PAH: variants seen among roughly 807,000 people sequenced by gnomAD.
PAH encodes phenylalanine hydroxylase, also known as phenylalanine-4-hydroxylase.
Under a neutral mutation model 62.0 loss-of-function variants are expected in PAH, and 64 were observed. The observed-to-expected ratio is 1.03, with a 90% CI of 0.84 to 1.27. The LOEUF is 1.27. PAH is among the 50% of genes most tolerant of loss of function. The pLI, the probability that PAH is intolerant of heterozygous loss-of-function variation, is 0.00. For synonymous variants in PAH, 195 were observed against 196.2 expected (o/e 0.99, Z 0.05); for missense variants, 579 against 542.8 (o/e 1.07, Z -0.66).
At position 102,885,629 on chromosome 12, in the gene PAH, T is replaced by C. The variant is rs1877007455; in HGVS notation, c.353-8079A>G. ...GTCCCATTAAGTCGGGGTCAACTGC[T>C]CAGCCGGGACGCCAAGGGGTGGCTG... On this transcript the variant is annotated intron_variant, in intron 3 of 12. Coordinates refer to ENST00000553106, the MANE Select transcript of PAH (RefSeq NM_000277.3). Among the ~76,000 whole-genome samples the C allele has an allele frequency of 1.3e-5, 2 of 152,282 alleles. 1 individual carries two copies. Among genetic ancestry groups the C allele is most frequent in the Non-Finnish European group, 2.9e-5 (2 of 68,014 alleles).
chr12:102,866,469 A>G (rs1268441167), intron 5 of PAH, 127 bp downstream of exon 5: 3 of 772,722 alleles, frequency 3.9e-6, no homozygotes, highest in Non-Finnish European at 4.7e-6. Flanking sequence ...GCACATGAAC[A>G]CATGCACACA....
rs544047403 is a variant in PAH, at chr12:102,926,980, A to G, written c.-95-9755T>C. The stretch of plus-strand genomic sequence containing the variant: ...TGTTTGTTTGGGTGGGTGGGTTGCT[A>G]AACATTTACCGCAACCCCACTGACT... On this transcript the variant is annotated intron_variant, in intron 1 of 3. Transcript: ENST00000546844. 9.8e-4 allele frequency among the ~76,000 whole-genome samples: 145 copies of G among 148,162 alleles called. 5 individuals are homozygous for G. Among genetic ancestry groups the G allele is most frequent in the African/African-American group, 3.5e-3 (139 of 39,928 alleles).
intron 6 of PAH, among the ~76,000 whole-genome samples, chr12:102,853,696 A>C (rs150707193): frequency 1.3e-5 from 2 of 152,200 alleles, no homozygotes; most frequent in South Asian, 4.1e-4. Context: ...CACCATCTCT[A>C]TGGTTCCTGT....
intron 5 of PAH, among the ~76,000 whole-genome samples, chr12:102,865,797 T>C (rs1040850415): frequency 6.6e-6 from 1 of 152,182 alleles, no homozygotes; most frequent in East Asian, 1.9e-4. Context: ...GTATTCAGTA[T>C]AGAAAGGCCC....
intron 4 of PAH, among the ~76,000 whole-genome samples, chr12:102,872,102 C>T (rs1236339494): frequency 6.6e-6 from 1 of 151,716 alleles, no homozygotes; most frequent in Admixed American, 6.6e-5. Flanking sequence ...TATAAAGTTA[C>T]AATCACTTCA....
rs1156665987 is a variant in PAH, at chr12:102,859,468, A to T, written c.510-4136T>A. Among the ~76,000 whole-genome samples the T allele has an allele frequency of 3.3e-5, 5 of 152,228 alleles. No individual in the cohort carries two copies. The East Asian group carries it at 5.8e-4, about 18-fold the overall frequency. ...AAAAAGAGGGAATCCTCCCTAACTC[A>T]TTTTATGAGGCCAGCATCATCCTGA... On this transcript the variant is annotated intron_variant, in intron 5 of 12. Transcript: ENST00000553106.
At position 102,898,916 on chromosome 12, in the gene PAH, C is replaced by T. The variant is rs77157045; in HGVS notation, c.169-3998G>A. On this transcript the variant is annotated intron_variant, in intron 2 of 12. Transcript: ENST00000553106. ...TAATAAGTAACCTCAAACAGGCTCA[C>T]GGTGCAGCCATTATTTATGGCTCCA... 8.1e-3 allele frequency among the ~76,000 whole-genome samples: 1,234 copies of T among 152,276 alleles called. 22 individuals are homozygous for T. The highest frequency in any genetic ancestry group is 0.028 in the African/African-American group (1,174 of 41,534).
At chr12:102,925,438 A>G (rs1297180754) in intron 1 of PAH, among the ~76,000 whole-genome samples, 1 of 152,196 alleles carries the variant, frequency 6.6e-6, no homozygotes, top group East Asian at 1.9e-4. Flanking sequence ...GAGAAAAATT[A>G]ACTTCTACTT....
At position 102,957,493 on chromosome 12, in the gene PAH, G is replaced by T. The variant is rs1040077106; in HGVS notation, c.-96+702C>A. On this transcript the variant is annotated intron_variant, in intron 1 of 4. Coordinates refer to the PAH transcript ENST00000551337. This position sits in a 1 kb window ranked among gnomAD's most constrained non-coding sequence, Gnocchi z 4.1. ...AGGAGCGGGAGAAAGGAACGGGAGG[G>T]GGGGAGAGGAGAGGAGGAGGGGGAG... Among the ~76,000 whole-genome samples, 10 of 151,818 alleles carry T rather than the reference G, an allele frequency of 6.6e-5. No individual in the cohort carries two copies. Among genetic ancestry groups the T allele is most frequent in the Admixed American group, 2.0e-4 (3 of 15,272 alleles).
chr12:102,943,783 T>C (rs1307024940), intron 1 of PAH, among the ~76,000 whole-genome samples: 1 of 152,124 alleles, frequency 6.6e-6, no homozygotes, highest in Non-Finnish European at 1.5e-5. Flanking sequence ...CTGGAGGCCA[T>C]TATCCTAAGT....
chr12:102,885,104 C>A (rs1812585826), intron 3 of PAH, among the ~76,000 whole-genome samples: 1 of 152,140 alleles, frequency 6.6e-6, no homozygotes, highest in African/African-American at 2.4e-5. Flanking sequence ...TTTCTCCCAC[C>A]TTGAGAAGGA....
At chr12:102,926,523 T>G (rs1202338128) in intron 1 of PAH, among the ~76,000 whole-genome samples, 1 of 151,886 alleles carries the variant, frequency 6.6e-6, no homozygotes, top group Non-Finnish European at 1.5e-5. Flanking sequence ...GCTAAAAGTA[T>G]TAGACTGGTG....
intron 4 of PAH, chr12:102,877,226 A>G: frequency 1.8e-6 from 1 of 568,302 alleles, no homozygotes; most frequent in Non-Finnish European, 3.2e-6. Flanking sequence ...TAGTATATAG[A>G]GACAATAGTT....
chr12:102,897,916 G>T (rs552467277), intron 2 of PAH, among the ~76,000 whole-genome samples: 1 of 152,134 alleles, frequency 6.6e-6, no homozygotes, highest in South Asian at 2.1e-4. Flanking sequence ...GGGCTGTGGG[G>T]GACTGGAGCT....
At chr12:102,956,567 CG>C (rs1879918840) in intron 1 of PAH, among the ~76,000 whole-genome samples, 1 of 152,104 alleles carries the variant, frequency 6.6e-6, no homozygotes, top group African/African-American at 2.4e-5. Context: ...GTGCCCGCGG[CG>C]GCGCCGAAGA....
intron 10 of PAH, 29 bp from the exon 11 acceptor site, chr12:102,843,808 C>T (rs1190633552): frequency 6.2e-7 from 1 of 1,611,006 alleles, no homozygotes; most frequent in Non-Finnish European, 8.5e-7. Context: ...AAGTTATTAT[C>T]ACTGTTAAAT....
chr12:102,941,820 A>G (rs1453098040), intron 1 of PAH, among the ~76,000 whole-genome samples: 1 of 152,144 alleles, frequency 6.6e-6, no homozygotes, highest in Non-Finnish European at 1.5e-5. Context: ...CAGAACTAAA[A>G]ACAAAAACCA....
chr12:102,847,084 T>C (rs955393394), intron 8 of PAH, 133 bp from the exon 9 acceptor site: 5 of 733,982 alleles, frequency 6.8e-6, no homozygotes, highest in Non-Finnish European at 7.5e-6. Context: ...CTGAGTGTGT[T>C]ATCAAGTCTT....
At position 102,838,441 on chromosome 12, in the gene PAH, C is replaced by T. The variant is rs1323660161; in HGVS notation, c.*734G>A. The T allele has an allele frequency of 6.6e-6, 1 of 152,140 alleles. No individual in the cohort carries two copies. The highest frequency in any genetic ancestry group is 1.9e-4 in the East Asian group (1 of 5,200). 9.4% of individuals were successfully genotyped at this position (152,140 alleles called of 1,614,324 possible). A position where few individuals can be genotyped will look rare whatever the true frequency, so the allele number is the denominator to read the frequency against. Reference sequence around the variant, plus strand: ...TGAACATTTCCTGAATATCTACCAACCAAGCCTTTAGTCAACATCTGCTGC... The same window carrying T: ...TGAACATTTCCTGAATATCTACCAATCAAGCCTTTAGTCAACATCTGCTGC... On this transcript the variant is annotated 3_prime_UTR_variant, in exon 13 of 13. Transcript: ENST00000553106.
Sources: gnomAD v4.1 joint callset for allele counts (sites outside exome capture counted in the v4.1 genomes callset) on GRCh38, gnomAD v4.1.1 for gene constraint, Gnocchi (gnomAD v3.1) non-coding constraint, MANE v1.5 for transcripts, NCBI Gene and HGNC (gene_info 2026-07-23, HGNC 2026-07-21) for gene names.